The following FAT4 variants were observed in gnomAD, a reference collection of about 807,000 sequenced individuals.
The protein encoded by FAT4 is protocadherin Fat 4.
A neutral mutation model predicts 303.9 loss-of-function variants in FAT4; 84 were observed. The ratio of observed to expected loss-of-function variants is 0.28; its 90% CI spans 0.23 to 0.33. The LOEUF is 0.33. Ranked by LOEUF, FAT4 falls within the 10% of genes least tolerant of loss-of-function variation. The probability of loss-of-function intolerance (pLI) is 1.00; values close to 1 mark genes in which losing one functional copy is unlikely to be tolerated. For missense variants in FAT4, 6,005 were observed against 6,146.8 expected (o/e 0.98, Z 0.77); for synonymous variants, 2,307 against 2,298.8 (o/e 1.00, Z -0.10).
rs1450037628 is a variant in FAT4 at position 125,492,738 on chromosome 4, C to T, written c.*970C>T. Reference sequence around the variant, plus strand: ...ATACTGTGTAAAAACTTTTTTTACACCTAAGCTGTGTTTTTGATACTGATA... The same window carrying T: ...ATACTGTGTAAAAACTTTTTTTACATCTAAGCTGTGTTTTTGATACTGATA... On this transcript the variant is annotated 3_prime_UTR_variant, in exon 18 of 18. Coordinates refer to ENST00000394329, the MANE Select transcript of FAT4 (RefSeq NM_001291303.3). 6.6e-6 allele frequency: 1 copy of T among 152,102 alleles called. No individual in the cohort carries two copies. Among genetic ancestry groups the T allele is most frequent in the Non-Finnish European group, 1.5e-5 (1 of 67,926 alleles). 9.4% of individuals were successfully genotyped at this position (152,102 alleles called of 1,614,324 possible). A position where few individuals can be genotyped will look rare whatever the true frequency, so the allele number is the denominator to read the frequency against.
rs1435972320 is a variant in FAT4, at chr4:125,416,629, C to A, written c.7018+7C>A. On this transcript the variant is annotated splice_region_variant and intron_variant, in intron 7 of 17. Transcript: ENST00000394329. ...ATTACAGCTACAGATTCAGGTAAGTCCATTACACCCTTGTTCATTTGTAGA... is the reference window on the plus strand; with the variant it reads ...ATTACAGCTACAGATTCAGGTAAGTACATTACACCCTTGTTCATTTGTAGA... 2.2e-5 allele frequency: 35 copies of A among 1,612,514 alleles called. No homozygotes were observed. Among genetic ancestry groups the A allele is most frequent in the Non-Finnish European group, 2.8e-5 (33 of 1,179,162 alleles).
intron 13 of FAT4, 60 bp from the exon 14 acceptor site, chr4:125,477,095 C>A: frequency 8.0e-7 from 1 of 1,247,266 alleles, no homozygotes; most frequent in Non-Finnish European, 1.0e-6. Context: ...TCGAACTAAA[C>A]ATTATACTAA....
rs1046625128 is a variant in FAT4 at position 125,481,587 on chromosome 4, A to G, written c.12671A>G (p.Asn4224Ser). 6.2e-7 allele frequency: 1 copy of G among 1,614,094 alleles called. No individual in the cohort carries two copies. Among genetic ancestry groups the G allele is most frequent in the East Asian group, 2.2e-5 (1 of 44,870 alleles). ...CGCTTGGACTACCACATGAGTCAGAATGAGAAGCGGGAATATTTGTTAAGG... is the reference window on the plus strand; with the variant it reads ...CGCTTGGACTACCACATGAGTCAGAGTGAGAAGCGGGAATATTTGTTAAGG... Reference protein sequence around the residue: ...KGRLDYHMSQNEKREYLLRQS... With the variant: ...KGRLDYHMSQSEKREYLLRQS... The change falls in exon 16 of 18, where the codon AAT (asparagine) becomes AGT (serine). Residue 4224 changes from asparagine to serine, a missense_variant. Coordinates refer to ENST00000394329, the MANE Select transcript of FAT4 (RefSeq NM_001291303.3).
rs773518167 is a variant in FAT4 at position 125,450,013 on chromosome 4, T to C, written c.9003T>C (p.Gly3001=). ...FTPVTKNVKV[G]TKLIRVTAID... ...CAGTCACCAAAAATGTTAAGGTTGG[T>C]ACGAAGTTAATCAGAGTTACAGCAA... is the stretch of plus-strand genomic sequence containing the variant. The change falls in exon 10 of 18, where the codon GGT becomes GGC. Residue 3001 remains glycine, a synonymous_variant. Coordinates refer to ENST00000394329, the MANE Select transcript of FAT4 (RefSeq NM_001291303.3). The C allele has an allele frequency of 1.2e-6, 2 of 1,613,942 alleles. No homozygotes were observed. The highest frequency in any genetic ancestry group is 1.7e-6 in the Non-Finnish European group (2 of 1,179,942).
intron 2 of FAT4, chr4:125,393,985 CT>C (rs1734070939): frequency 1.3e-6 from 1 of 780,222 alleles, no homozygotes; most frequent in Non-Finnish European, 2.4e-6. Flanking sequence ...CAACCATTAG[CT>C]GCAGCTGAAG....
intron 2 of FAT4, among the ~76,000 whole-genome samples, chr4:125,343,313 A>T (rs1560769836): frequency 6.6e-6 from 1 of 152,076 alleles, no homozygotes; most frequent in Non-Finnish European, 1.5e-5. Flanking sequence ...GCTATTTTAG[A>T]AACAATGATG....
In FAT4 at chr4:125,452,063, G is replaced by A. The variant is rs761409589; in HGVS notation, c.11053G>A (p.Val3685Ile). The stretch of plus-strand genomic sequence containing the variant: ...CACAGATGGCACGTTTGATCTGACT[G>A]TCCTTAGCAATGATGGAGTTCACAG... ...RSTDGTFDLTVLSNDGVHSTV... is the reference protein window; with the variant it reads ...RSTDGTFDLTILSNDGVHSTV... Residue 3685 changes from valine (V) to isoleucine (I), a missense_variant, in exon 10 of 18, where the codon GTC becomes ATC. Transcript: ENST00000394329. The A allele has an allele frequency of 3.1e-6, 5 of 1,614,160 alleles. No homozygotes were observed. Among genetic ancestry groups the A allele is most frequent in the Non-Finnish European group, 3.4e-6 (4 of 1,180,024 alleles).
At position 125,450,542 on chromosome 4, in the gene FAT4, G is replaced by A; in HGVS notation, c.9532G>A (p.Gly3178Ser). ...AGATGGAGGATGGGTTGCAAGAACT[G>A]GTTACTGCAGTGTGACCGTAAATGT... is the stretch of plus-strand genomic sequence containing the variant. ...AIDGGWVART[G>S]YCSVTVNVID... The change falls in exon 10 of 18, where the codon GGT (glycine) becomes AGT (serine). Residue 3178 changes from glycine (G) to serine (S), a missense_variant. Transcript: ENST00000394329. The A allele has an allele frequency of 6.2e-7, 1 of 1,614,082 alleles. No individual in the cohort carries two copies.
chr4:125,359,104 T>C (rs1732548133), intron 2 of FAT4, among the ~76,000 whole-genome samples: 1 of 152,156 alleles, frequency 6.6e-6, no homozygotes, highest in Non-Finnish European at 1.5e-5. Context: ...AGCATAAATA[T>C]CTATATAGAA....
chr4:125,481,380 T>G, intron 15 of FAT4, 141 bp from the exon 16 acceptor site: 1 of 661,276 alleles, frequency 1.5e-6, no homozygotes, highest in South Asian at 2.0e-5. Flanking sequence ...ATGGAAATTA[T>G]TTTTTAAGAG....
chr4:125,415,254 C>G lies in FAT4; in HGVS notation c.6291C>G (p.Phe2097Leu). The change falls in exon 6 of 18, where the codon TTC becomes TTG. Residue 2097 changes from phenylalanine (F) to leucine (L), a missense_variant. Physicochemically the swap from Phe to Leu is conservative, Grantham distance 22. Transcript: ENST00000394329. ...TGCTGAACCCTTTGGGAAACAAGTTCAGTATTGGGACCATTGATGGTGAAG... is the reference window on the plus strand; with the variant it reads ...TGCTGAACCCTTTGGGAAACAAGTTGAGTATTGGGACCATTGATGGTGAAG... ...YTLLNPLGNKFSIGTIDGEVR... is the reference protein window; with the variant it reads ...YTLLNPLGNKLSIGTIDGEVR... The G allele has an allele frequency of 6.2e-7, 1 of 1,614,028 alleles. No individual in the cohort carries two copies. The highest frequency in any genetic ancestry group is 8.5e-7 in the Non-Finnish European group (1 of 1,179,970).
At chr4:125,459,720 T>C (rs925063284) in intron 10 of FAT4, among the ~76,000 whole-genome samples, 2 of 152,106 alleles carry the variant, frequency 1.3e-5, no homozygotes, top group African/African-American at 4.8e-5. Flanking sequence ...CTTCCAAGCC[T>C]GAAGGCGTTT....
rs552986996 is a variant in FAT4, at chr4:125,388,045, C to T, written c.5176-10739C>T. ...GTCTAAAAACCTTCCAGCTGAGATT[C>T]CTCTACTCAGTATCTCTAGTCTTTC... is the stretch of plus-strand genomic sequence containing the variant. On this transcript the variant is annotated intron_variant, in intron 2 of 17. Transcript: ENST00000394329. 2.6e-5 allele frequency among the ~76,000 whole-genome samples: 4 copies of T among 152,288 alleles called. No individual in the cohort carries two copies. The South Asian group carries it at 6.2e-4, about 24-fold the overall frequency.
chr4:125,421,939 A>G (rs1283798942), intron 7 of FAT4, among the ~76,000 whole-genome samples: 1 of 152,160 alleles, frequency 6.6e-6, no homozygotes, highest in Non-Finnish European at 1.5e-5. Context: ...TCCTTAAAAT[A>G]TATTGCTGAC....
intron 2 of FAT4, among the ~76,000 whole-genome samples, chr4:125,372,679 T>C (rs866471967): frequency 5.3e-5 from 8 of 152,326 alleles, no homozygotes; most frequent in African/African-American, 1.9e-4. Flanking sequence ...TTGTGAATGT[T>C]GAATGTGGAA....
chr4:125,429,736 A>G (rs953210), intron 7 of FAT4, among the ~76,000 whole-genome samples: 2,883 of 152,294 alleles, frequency 0.019, 94 homozygotes, highest in African/African-American at 0.066. Context: ...ATATAAATAT[A>G]TGAGCAAGGT....
chr4:125,417,796 G>C (rs552764005), intron 7 of FAT4, among the ~76,000 whole-genome samples: 7 of 152,234 alleles, frequency 4.6e-5, no homozygotes, highest in African/African-American at 1.7e-4. Flanking sequence ...CTCTCTATGG[G>C]CACTGTTTTT....
At position 125,450,726 on chromosome 4, in the gene FAT4, A is replaced by T; in HGVS notation, c.9716A>T (p.Asp3239Val). The change falls in exon 10 of 18, where the codon GAC (aspartate) becomes GTC (valine). Residue 3239 changes from aspartate (D) to valine (V), a missense_variant. Coordinates refer to ENST00000394329, the MANE Select transcript of FAT4 (RefSeq NM_001291303.3). ...ATTGCGTATACTGTACAGTCATCTG[A>T]CAGTGACCTCTTTGTCATTGACCCT... ...AVIAYTVQSS[D>V]SDLFVIDPNT... The T allele has an allele frequency of 6.2e-7, 1 of 1,614,130 alleles. No homozygotes were observed. The highest frequency in any genetic ancestry group is 1.3e-5 in the African/African-American group (1 of 75,048).
chr4:125,355,365 T>C (rs550247442), intron 2 of FAT4, among the ~76,000 whole-genome samples: 2 of 152,160 alleles, frequency 1.3e-5, no homozygotes, highest in African/African-American at 4.8e-5. Flanking sequence ...CAAATTCTTT[T>C]GATCCATCTC....
Sources: gnomAD v4.1 joint callset for allele counts (sites outside exome capture counted in the v4.1 genomes callset) on GRCh38, gnomAD v4.1.1 for gene constraint, MANE v1.5 for transcripts, NCBI Gene and HGNC (gene_info 2026-07-23, HGNC 2026-07-21) for gene names.